LAMA2: variants seen among roughly 807,000 people sequenced by gnomAD.
LAMA2 encodes the protein laminin subunit alpha 2.
In LAMA2, 269 loss-of-function variants were observed where a neutral mutation model predicts 364.8. The ratio of observed to expected loss-of-function variants is 0.74; its 90% CI spans 0.67 to 0.82. The LOEUF (loss-of-function observed/expected upper bound fraction) is 0.82, where lower values mean the gene tolerates loss of function less well. LAMA2 is among the 40% of genes least tolerant of loss of function. The pLI is 0.00. For synonymous variants in LAMA2, 1,379 were observed against 1,370.6 expected (o/e 1.01, Z -0.14); for missense variants, 3,807 against 3,873.2 (o/e 0.98, Z 0.45).
intron 30 of LAMA2, among the ~76,000 whole-genome samples, chr6:129,344,432 C>T (rs1776434749): frequency 1.3e-5 from 2 of 152,056 alleles, no homozygotes; most frequent in Non-Finnish European, 2.9e-5. Context: ...GTGCTATTAA[C>T]TGAAATGGAG....
At chr6:129,036,768 A>G (rs1056612246) in intron 1 of LAMA2, among the ~76,000 whole-genome samples, 1 of 152,222 alleles carries the variant, frequency 6.6e-6, no homozygotes, top group African/African-American at 2.4e-5. Flanking sequence ...AAACAGGAAT[A>G]GAATACTTAC....
chr6:129,033,897 T>TTG (rs1288125535), intron 1 of LAMA2, among the ~76,000 whole-genome samples: 1 of 143,440 alleles, frequency 7.0e-6, no homozygotes. Flanking sequence ...AGCTATGGGT[T>TTG]TTTTTTTTTT....
chr6:129,214,988 A>T (rs1377369760), intron 12 of LAMA2, among the ~76,000 whole-genome samples: 1 of 152,164 alleles, frequency 6.6e-6, no homozygotes, highest in African/African-American at 2.4e-5. Context: ...GATTTTGTAC[A>T]TAATTTGTTA....
At chr6:129,493,091 G>T (rs1784961780) in intron 58 of LAMA2, among the ~76,000 whole-genome samples, 1 of 152,022 alleles carries the variant, frequency 6.6e-6, no homozygotes, top group African/African-American at 2.4e-5. Context: ...GGAGGCGGAG[G>T]TTGCAGTGAG....
chr6:128,973,762 A>C (rs761176559), intron 1 of LAMA2, among the ~76,000 whole-genome samples: 5 of 152,144 alleles, frequency 3.3e-5, no homozygotes, highest in Admixed American at 6.6e-5. Context: ...TACCAGAAGA[A>C]TCACAGAGAC....
intron 43 of LAMA2, 80 bp downstream of exon 43, chr6:129,441,078 G>T: frequency 8.0e-7 from 1 of 1,249,244 alleles, no homozygotes. Flanking sequence ...AAATGCTCGA[G>T]TTGGAAAGAC....
intron 56 of LAMA2, chr6:129,490,922 T>TATC (rs1784828106): frequency 6.6e-6 from 1 of 152,188 alleles, no homozygotes; most frequent in Non-Finnish European, 1.5e-5. Context: ...ACTTTTGAAT[T>TATC]ATCTTACTTG....
At chr6:129,088,426 G>A (rs1223467920) in intron 3 of LAMA2, among the ~76,000 whole-genome samples, 1 of 152,116 alleles carries the variant, frequency 6.6e-6, no homozygotes, top group Non-Finnish European at 1.5e-5. Context: ...CCCAGATGGG[G>A]TGGCGGCTGG....
intron 13 of LAMA2, 151 bp from the exon 14 acceptor site, chr6:129,251,933 T>G (rs1411743545): frequency 3.3e-6 from 2 of 607,974 alleles, no homozygotes; most frequent in African/African-American, 3.7e-5. Flanking sequence ...AGACTCTGTC[T>G]CCAAAAAAAA....
chr6:128,899,017 G>C (rs1172528849), intron 1 of LAMA2, among the ~76,000 whole-genome samples: 1 of 152,078 alleles, frequency 6.6e-6, no homozygotes, highest in Non-Finnish European at 1.5e-5. Context: ...ATTAGCTTCT[G>C]TCAGGCACTC....
intron 30 of LAMA2, among the ~76,000 whole-genome samples, chr6:129,343,994 T>C (rs1776409921): frequency 6.6e-6 from 1 of 152,168 alleles, no homozygotes; most frequent in African/African-American, 2.4e-5. Context: ...CACAATTTCA[T>C]GATCACAGAT....
At chr6:129,507,447 T>G in intron 61 of LAMA2, 42 bp from the exon 62 acceptor site, 1 of 1,609,232 alleles carries the variant, frequency 6.2e-7, no homozygotes, top group Non-Finnish European at 8.5e-7. Context: ...GGCAAAGTTC[T>G]GCTAAAACCT....
chr6:129,413,845 G>C (rs893552105), intron 40 of LAMA2, among the ~76,000 whole-genome samples: 1 of 152,062 alleles, frequency 6.6e-6, no homozygotes, highest in Non-Finnish European at 1.5e-5. Context: ...TAAGGTTTCT[G>C]CTCAAGATGT....
Position 129,229,183 on chromosome 6 carries a change from G to A in LAMA2, c.1783-20929G>A, listed in dbSNP as rs530071676. Reference sequence around the variant, plus strand: ...TTAGATAAGCACATAAAATATACATGTGTTAGATAGTGATAAATGACAAGA... The same window carrying A: ...TTAGATAAGCACATAAAATATACATATGTTAGATAGTGATAAATGACAAGA... On this transcript the variant is annotated intron_variant, in intron 12 of 64. Coordinates refer to ENST00000421865, the MANE Select transcript of LAMA2 (RefSeq NM_000426.4). Among the ~76,000 whole-genome samples the A allele has an allele frequency of 1.5e-3, 221 of 152,282 alleles. 3 individuals are homozygous for A. Among genetic ancestry groups the A allele is most frequent in the African/African-American group, 5.1e-3 (213 of 41,562 alleles).
At chr6:129,200,442 A>ACG (rs1491137149) in intron 12 of LAMA2, among the ~76,000 whole-genome samples, 1 of 149,880 alleles carries the variant, frequency 6.7e-6, no homozygotes, top group Non-Finnish European at 1.5e-5. Flanking sequence ...ACACATATAC[A>ACG]TATATGTATA....
At chr6:129,208,693 AAGG>A (rs1259240297) in intron 12 of LAMA2, among the ~76,000 whole-genome samples, 2 of 128,356 alleles carry the variant, frequency 1.6e-5, no homozygotes, top group South Asian at 3.0e-4. Flanking sequence ...AAGAAAGAAA[AAGG>A]AAGGAAGGAA....
intron 4 of LAMA2, among the ~76,000 whole-genome samples, chr6:129,100,910 A>G (rs1027244678): frequency 6.6e-6 from 1 of 152,210 alleles, no homozygotes; most frequent in Non-Finnish European, 1.5e-5. Flanking sequence ...CTAAAATAAT[A>G]TAGCTTTGGC....
intron 1 of LAMA2, among the ~76,000 whole-genome samples, chr6:128,895,090 A>C (rs184755817): frequency 1.1e-4 from 17 of 152,190 alleles, no homozygotes; most frequent in African/African-American, 3.6e-4. Context: ...AGCCAAAACC[A>C]CTTCAGTTTT....
intron 12 of LAMA2, among the ~76,000 whole-genome samples, chr6:129,229,357 G>A (rs9321156): frequency 0.04 from 6,123 of 152,178 alleles, 235 homozygotes; most frequent in East Asian, 0.16. Flanking sequence ...CAAAGAGAAA[G>A]TAAGTGAAAA....
Sources: allele counts gnomAD v4.1 joint callset (sites outside exome capture counted in the v4.1 genomes callset), GRCh38; gene constraint gnomAD v4.1.1; transcripts MANE v1.5; gene names NCBI Gene and HGNC (gene_info 2026-07-23, HGNC 2026-07-21).